The following SLC35D4 variants were observed in gnomAD, a reference collection of about 807,000 sequenced individuals.
SLC35D4 encodes the protein solute carrier family 35 member D4.
chr18:23,361,422 T>A, the SLC35D4 span, among the ~76,000 whole-genome samples: 1 of 152,156 alleles, frequency 6.6e-6, no homozygotes. Flanking sequence ...AATGAATGAA[T>A]CGGCAGGAAT....
At chr18:23,390,922 C>T in the SLC35D4 span, among the ~76,000 whole-genome samples, 1 of 152,110 alleles carries the variant, frequency 6.6e-6, no homozygotes, top group Admixed American at 6.5e-5. Context: ...CAAAATCGTG[C>T]ATGCAAGAAA....
chr18:23,364,958 A>G, the SLC35D4 span, among the ~76,000 whole-genome samples: 1 of 145,338 alleles, frequency 6.9e-6, no homozygotes, highest in Non-Finnish European at 1.5e-5. Flanking sequence ...TGGAATTATG[A>G]GAATTGGATG....
the SLC35D4 span, among the ~76,000 whole-genome samples, chr18:23,290,639 T>A: frequency 2.0e-3 from 302 of 152,110 alleles, 3 homozygotes; most frequent in African/African-American, 7.0e-3. Context: ...TCTTTTTTTT[T>A]TTTTTGAGAT....
chr18:23,266,269 TGGGG>T, the SLC35D4 span, among the ~76,000 whole-genome samples: 1 of 152,280 alleles, frequency 6.6e-6, no homozygotes, highest in East Asian at 1.9e-4. Context: ...CCATGCCTGC[TGGGG>T]GTCATAGTAC....
chr18:23,264,695 A>G, the SLC35D4 span, among the ~76,000 whole-genome samples: 1 of 151,316 alleles, frequency 6.6e-6, no homozygotes, highest in Non-Finnish European at 1.5e-5. Flanking sequence ...TTCTCACTCT[A>G]TTGCCCAGGT....
chr18:23,404,987 C>T, the SLC35D4 span, among the ~76,000 whole-genome samples: 137 of 104,034 alleles, frequency 1.3e-3, no homozygotes, highest in African/African-American at 4.7e-3. Context: ...AGCGAGACTC[C>T]GTCTCAAAAA....
the SLC35D4 span, among the ~76,000 whole-genome samples, chr18:23,358,290 C>T: frequency 6.6e-6 from 1 of 152,164 alleles, no homozygotes; most frequent in Non-Finnish European, 1.5e-5. Context: ...TCCTCTCAGG[C>T]TTCACCCCTC....
At chr18:23,415,165 G>A in the SLC35D4 span, among the ~76,000 whole-genome samples, 1 of 152,112 alleles carries the variant, frequency 6.6e-6, no homozygotes, top group African/African-American at 2.4e-5. Context: ...GACCCTAAAT[G>A]ATTGGTTAAC....
chr18:23,248,811 G>A, the SLC35D4 span, among the ~76,000 whole-genome samples: 1 of 152,174 alleles, frequency 6.6e-6, no homozygotes, highest in East Asian at 1.9e-4. Context: ...GGCAACAAGA[G>A]CGAAACTCCA....
the SLC35D4 span, among the ~76,000 whole-genome samples, chr18:23,383,584 C>T: frequency 1.3e-5 from 2 of 152,026 alleles, no homozygotes; most frequent in Admixed American, 1.3e-4. Context: ...CAAGCCCAGC[C>T]CTGAGGCCTG....
At chr18:23,417,663 T>C in the SLC35D4 span, among the ~76,000 whole-genome samples, 2 of 152,326 alleles carry the variant, frequency 1.3e-5, no homozygotes, top group East Asian at 3.9e-4. Context: ...AAAAAATGGT[T>C]AAAATGGTAA....
chr18:23,383,210 T>C, the SLC35D4 span, among the ~76,000 whole-genome samples: 2 of 151,990 alleles, frequency 1.3e-5, no homozygotes, highest in East Asian at 1.9e-4. Context: ...GGGTCCTCTG[T>C]GAGCAGCAGG....
chr18:23,291,869 A>T, the SLC35D4 span, among the ~76,000 whole-genome samples: 1 of 151,950 alleles, frequency 6.6e-6, no homozygotes, highest in Non-Finnish European at 1.5e-5. Flanking sequence ...ACAAGCCACC[A>T]CTGCTTCTCT....
chr18:23,320,319 A>G, the SLC35D4 span, among the ~76,000 whole-genome samples: 1 of 152,140 alleles, frequency 6.6e-6, no homozygotes, highest in Non-Finnish European at 1.5e-5. Flanking sequence ...TTAATTTCAG[A>G]TGTATTTTTC....
chr18:23,413,206 C>G, the SLC35D4 span, among the ~76,000 whole-genome samples: 1 of 152,186 alleles, frequency 6.6e-6, no homozygotes, highest in Non-Finnish European at 1.5e-5. Context: ...ATCACTGGTT[C>G]TTCCCAGCTC....
chr18:23,321,748 C>T, the SLC35D4 span, among the ~76,000 whole-genome samples: 1 of 152,322 alleles, frequency 6.6e-6, no homozygotes, highest in Admixed American at 6.5e-5. Flanking sequence ...AGCCACCACA[C>T]CTGGCTGGCC....
chr18:23,306,823 T>C, the SLC35D4 span, among the ~76,000 whole-genome samples: 63 of 152,350 alleles, frequency 4.1e-4, no homozygotes, highest in East Asian at 6.7e-3. Context: ...GGTCCTAGGC[T>C]TCTTTTCCTT....
chr18:23,324,204 G>A, the SLC35D4 span, among the ~76,000 whole-genome samples: 1 of 152,154 alleles, frequency 6.6e-6, no homozygotes, highest in Non-Finnish European at 1.5e-5. Context: ...TGCACAGGGA[G>A]AAGGCAGCCA....
the SLC35D4 span, among the ~76,000 whole-genome samples, chr18:23,283,471 C>CAAAAAAAAAAAAAAAAAA: frequency 2.3e-4 from 10 of 44,354 alleles, no homozygotes; most frequent in Non-Finnish European, 3.4e-4. Context: ...GACCCAGTCT[C>CAAAAAAAAAAAAAAAAAA]AAAAAAAAAA....
Sources: allele counts gnomAD v4.1 joint callset (sites outside exome capture counted in the v4.1 genomes callset), GRCh38; gene constraint gnomAD v4.1.1; transcripts MANE v1.5; gene names NCBI Gene and HGNC (gene_info 2026-07-23, HGNC 2026-07-21).